DOCK8: variants seen among roughly 807,000 people sequenced by gnomAD.
DOCK8 encodes the protein dedicator of cytokinesis protein 8.
Under a neutral mutation model 245.6 loss-of-function variants are expected in DOCK8, and 141 were observed. The ratio of observed to expected loss-of-function variants is 0.57; its 90% confidence interval spans 0.50 to 0.66. DOCK8 has a LOEUF of 0.66. Ranked by LOEUF, DOCK8 falls within the 30% of genes least tolerant of loss-of-function variation. DOCK8 has a pLI of 0.00. For synonymous variants in DOCK8, 1,168 were observed against 970.2 expected, an observed-to-expected ratio of 1.20 and a Z score of -3.79; for missense variants, 2,965 against 2,603.4, an observed-to-expected ratio of 1.14 and a Z score of -3.02.
intron 33 of DOCK8, among the ~76,000 whole-genome samples, chr9:424,746 G>C (rs1321613277): frequency 1.3e-5 from 2 of 152,190 alleles, no homozygotes; most frequent in Non-Finnish European, 2.9e-5. Flanking sequence ...ATTAGTGTTA[G>C]TGATGGTTGC....
intron 1 of DOCK8, among the ~76,000 whole-genome samples, chr9:248,801 A>G (rs2047576788): frequency 6.6e-6 from 1 of 152,114 alleles, no homozygotes; most frequent in Non-Finnish European, 1.5e-5. Context: ...TTTTGCTGAG[A>G]TAGTGCTGTT....
rs1441368478 is a variant in DOCK8 at position 258,677 on chromosome 9, A to C, written c.54-12950A>C. 1.4e-5 allele frequency among the ~76,000 whole-genome samples: 2 copies of C among 139,462 alleles called. 1 individual carries two copies. The highest frequency in any genetic ancestry group is 3.0e-5 in the Non-Finnish European group (2 of 66,592). The allele number at this position is 139,462 out of a possible 152,430, so 91.5% of individuals were successfully genotyped here. A position where few individuals can be genotyped will look rare whatever the true frequency, so the allele number is the denominator to read the frequency against. ...CAGTGTCACGATCTCGGCATACTGCAACCTCTGCCTCCCGGGTTCAAGCAA... is the reference window on the plus strand; with the variant it reads ...CAGTGTCACGATCTCGGCATACTGCCACCTCTGCCTCCCGGGTTCAAGCAA... On this transcript the variant is annotated intron_variant, in intron 1 of 47. Transcript: ENST00000432829.
chr9:443,721 T>C (rs964005972), intron 43 of DOCK8, among the ~76,000 whole-genome samples: 7 of 152,206 alleles, frequency 4.6e-5, no homozygotes, highest in African/African-American at 1.7e-4. Flanking sequence ...CTACCACTTA[T>C]TAAGCACCAA....
chr9:265,616 T>C (rs1265982801), intron 1 of DOCK8, among the ~76,000 whole-genome samples: 1 of 152,212 alleles, frequency 6.6e-6, no homozygotes, highest in Non-Finnish European at 1.5e-5. Flanking sequence ...AGACAAAGTT[T>C]TTTTTTCCTT....
At chr9:435,589 C>T (rs1306209476) in intron 39 of DOCK8, among the ~76,000 whole-genome samples, 1 of 152,162 alleles carries the variant, frequency 6.6e-6, no homozygotes, top group Non-Finnish European at 1.5e-5. Flanking sequence ...CACTCTTCAA[C>T]TTTATAGGGG....
chr9:417,464 T>G (rs541850240), intron 29 of DOCK8, among the ~76,000 whole-genome samples: 1 of 152,334 alleles, frequency 6.6e-6, no homozygotes, highest in East Asian at 1.9e-4. Flanking sequence ...TTGTGAATGT[T>G]TTACCACACT....
At chr9:334,502 G>A in intron 11 of DOCK8, 118 bp downstream of exon 11, 17 of 1,097,754 alleles carry the variant, frequency 1.5e-5, no homozygotes, top group Non-Finnish European at 2.2e-5. Context: ...GAGGCAGAAG[G>A]AGATAAATAG....
intron 14 of DOCK8, among the ~76,000 whole-genome samples, chr9:358,113 C>G (rs763906427): frequency 4.6e-5 from 7 of 152,096 alleles, no homozygotes; most frequent in Non-Finnish European, 7.4e-5. Context: ...GAGACAGGGT[C>G]TCATTCTGTC....
chr9:393,310 T>A (rs900250903), intron 24 of DOCK8, among the ~76,000 whole-genome samples: 2 of 96,750 alleles, frequency 2.1e-5, no homozygotes, highest in African/African-American at 7.1e-5. Flanking sequence ...ATCCCAATAA[T>A]AGTTGGCATA....
At chr9:403,858 A>ATCTCTCTCTC (rs749646963) in intron 26 of DOCK8, among the ~76,000 whole-genome samples, 24 of 83,958 alleles carry the variant, frequency 2.9e-4, no homozygotes, top group African/African-American at 4.1e-4. Context: ...AAGACTCTGT[A>ATCTCTCTCTC]TCTCTCTCTC....
intron 33 of DOCK8, among the ~76,000 whole-genome samples, chr9:425,349 G>A (rs937397132): frequency 6.6e-6 from 1 of 151,968 alleles, no homozygotes; most frequent in Non-Finnish European, 1.5e-5. Flanking sequence ...TGGCTAACGC[G>A]GCGAAACCCC....
At chr9:383,729 C>T (rs1020294407) in intron 22 of DOCK8, among the ~76,000 whole-genome samples, 7 of 145,690 alleles carry the variant, frequency 4.8e-5, no homozygotes, top group Non-Finnish European at 7.6e-5. Flanking sequence ...AAAAAAATCC[C>T]AAGGAGCAAT....
chr9:459,226 A>G (rs1170687629), intron 46 of DOCK8, among the ~76,000 whole-genome samples: 2 of 152,210 alleles, frequency 1.3e-5, no homozygotes, highest in African/African-American at 4.8e-5. Context: ...TTTCCAAGCG[A>G]TGTGGCTATT....
intron 27 of DOCK8, 139 bp from the exon 28 acceptor site, chr9:406,791 C>T (rs1012337029): frequency 3.5e-5 from 36 of 1,028,370 alleles, no homozygotes; most frequent in Non-Finnish European, 5.2e-5. Context: ...CCTTGTCCGC[C>T]TTATCTGGCA....
intron 14 of DOCK8, among the ~76,000 whole-genome samples, chr9:347,916 C>G (rs2051983326): frequency 6.6e-6 from 1 of 152,216 alleles, no homozygotes; most frequent in African/African-American, 2.4e-5. Flanking sequence ...TTTCTAGATT[C>G]AGACACACGA....
At chr9:399,466 C>T (rs550736326) in intron 26 of DOCK8, among the ~76,000 whole-genome samples, 11 of 151,846 alleles carry the variant, frequency 7.2e-5, no homozygotes, top group South Asian at 2.1e-4. Flanking sequence ...GAGCATTTAC[C>T]GACAGTGTAG....
chr9:252,411 T>C (rs925540624), intron 1 of DOCK8, among the ~76,000 whole-genome samples: 3 of 152,166 alleles, frequency 2.0e-5, no homozygotes, highest in Non-Finnish European at 4.4e-5. Context: ...TTATGCAAGA[T>C]TTGAACCAGT....
chr9:448,622 C>T (rs1587087998), intron 44 of DOCK8, among the ~76,000 whole-genome samples: 1 of 152,206 alleles, frequency 6.6e-6, no homozygotes, highest in East Asian at 1.9e-4. Context: ...CCAGGCCTCT[C>T]TCCCTGACCT....
intron 3 of DOCK8, among the ~76,000 whole-genome samples, chr9:287,225 A>G (rs1259395670): frequency 2.6e-5 from 4 of 152,200 alleles, no homozygotes; most frequent in African/African-American, 9.6e-5. Context: ...TAGAATAAAT[A>G]TGTGAATAGC....
Sources: allele counts gnomAD v4.1 joint callset (sites outside exome capture counted in the v4.1 genomes callset), GRCh38; gene constraint gnomAD v4.1.1; transcripts MANE v1.5; gene names NCBI Gene and HGNC (gene_info 2026-07-23, HGNC 2026-07-21).